The following TMEFF2 variants were observed in gnomAD, a reference collection of about 807,000 sequenced individuals.
TMEFF2 encodes the protein tomoregulin-2.
TMEFF2 carries 28 observed loss-of-function variants against 53.8 expected under a neutral mutation model. The ratio of observed to expected loss-of-function variants is 0.52; its 90% CI spans 0.39 to 0.71. The LOEUF is 0.71. Ranked by LOEUF, TMEFF2 falls within the 30% of genes least tolerant of loss-of-function variation. The pLI, the probability that TMEFF2 is intolerant of heterozygous loss-of-function variation, is 0.00. For synonymous variants in TMEFF2, 162 were observed against 166.3 expected, an observed-to-expected ratio of 0.97 and a Z score of 0.20; for missense variants, 353 against 455.2, an observed-to-expected ratio of 0.78 and a Z score of 2.04.
chr2:191,972,536 A>G (rs982679735), intron 7 of TMEFF2, among the ~76,000 whole-genome samples: 4 of 151,878 alleles, frequency 2.6e-5, no homozygotes, highest in African/African-American at 9.7e-5. Flanking sequence ...TTGATCATTA[A>G]GGGGACACAG....
intron 8 of TMEFF2, among the ~76,000 whole-genome samples, 161 bp downstream of exon 8, chr2:191,956,094 A>AG (rs1692081498): frequency 1.5e-5 from 1 of 65,306 alleles, no homozygotes; most frequent in Non-Finnish European, 3.4e-5. Flanking sequence ...GTGTGTGAGT[A>AG]TGTGTGTATG....
At chr2:192,069,696 A>G (rs1688242086) in intron 4 of TMEFF2, among the ~76,000 whole-genome samples, 1 of 151,764 alleles carries the variant, frequency 6.6e-6, no homozygotes, top group African/African-American at 2.4e-5. Context: ...AAAAAATTGC[A>G]TGAGTTTTAG....
chr2:192,170,150 A>G (rs1017335904), intron 4 of TMEFF2, among the ~76,000 whole-genome samples: 7 of 152,062 alleles, frequency 4.6e-5, no homozygotes, highest in Non-Finnish European at 8.8e-5. Flanking sequence ...TCTAACCCTT[A>G]AGGATTAGAT....
chr2:191,969,371 AC>A (rs1559066074), intron 7 of TMEFF2, among the ~76,000 whole-genome samples: 1 of 152,118 alleles, frequency 6.6e-6, no homozygotes, highest in African/African-American at 2.4e-5. Context: ...CCATAAAGGT[AC>A]AATCAATCCC....
intron 3 of TMEFF2, among the ~76,000 whole-genome samples, chr2:192,183,649 T>C (rs1287509273): frequency 6.6e-6 from 1 of 152,082 alleles, no homozygotes; most frequent in South Asian, 2.1e-4. Flanking sequence ...CTCAGCCCCA[T>C]TTTAAAGCAT....
At chr2:192,091,351 C>T (rs1459306774) in intron 4 of TMEFF2, among the ~76,000 whole-genome samples, 1 of 152,080 alleles carries the variant, frequency 6.6e-6, no homozygotes, top group Non-Finnish European at 1.5e-5. Context: ...AGATCAGTTA[C>T]CTGAACAGTT....
intron 5 of TMEFF2, among the ~76,000 whole-genome samples, chr2:192,037,307 AAG>A (rs1447306266): frequency 6.6e-6 from 1 of 150,432 alleles, no homozygotes; most frequent in African/African-American, 2.5e-5. Flanking sequence ...GAAAGAAAGA[AAG>A]AAAGAAAGAA....
intron 4 of TMEFF2, among the ~76,000 whole-genome samples, chr2:192,121,365 C>A (rs769880064): frequency 1.3e-5 from 2 of 151,978 alleles, no homozygotes; most frequent in African/African-American, 4.8e-5. Context: ...GGACAGAGGT[C>A]ACTTTGTACA....
intron 7 of TMEFF2, among the ~76,000 whole-genome samples, chr2:191,996,875 T>C (rs896599416): frequency 2.6e-5 from 4 of 151,900 alleles, no homozygotes; most frequent in African/African-American, 9.7e-5. Context: ...TAGCCACGGG[T>C]TGGTGTTACT....
At chr2:192,080,471 G>A (rs146656991) in intron 4 of TMEFF2, among the ~76,000 whole-genome samples, 2,549 of 152,228 alleles carry the variant, frequency 0.017, 42 homozygotes, top group Non-Finnish European at 0.022. Flanking sequence ...GGCCTCCCCA[G>A]CCATGCTGAA....
chr2:192,075,593 T>G (rs1172312155), intron 4 of TMEFF2, among the ~76,000 whole-genome samples: 3 of 151,436 alleles, frequency 2.0e-5, no homozygotes, highest in Non-Finnish European at 4.4e-5. Flanking sequence ...CATATAGAGA[T>G]TTAATTATGT....
intron 7 of TMEFF2, among the ~76,000 whole-genome samples, chr2:191,982,430 C>T (rs1685874992): frequency 6.7e-6 from 1 of 149,848 alleles, no homozygotes; most frequent in South Asian, 2.1e-4. Context: ...ATTTTCCCAT[C>T]TACATGGAAA....
intron 5 of TMEFF2, among the ~76,000 whole-genome samples, chr2:192,051,699 C>T (rs1241539260): frequency 1.3e-5 from 2 of 152,134 alleles, no homozygotes; most frequent in African/African-American, 4.8e-5. Flanking sequence ...TCATGAGCCT[C>T]CACAATCCAA....
At chr2:191,998,131 C>A in intron 7 of TMEFF2, 131 bp downstream of exon 7, 1 of 667,820 alleles carries the variant, frequency 1.5e-6, no homozygotes, top group Admixed American at 3.5e-5. Context: ...AAAGCTTGAA[C>A]TAAGCAAGAG....
intron 4 of TMEFF2, among the ~76,000 whole-genome samples, chr2:192,131,860 C>T (rs1032990230): frequency 1.7e-4 from 26 of 152,076 alleles, no homozygotes; most frequent in African/African-American, 5.1e-4. Context: ...AGCCGGAAAA[C>T]GGCACTTTCA....
intron 9 of TMEFF2, among the ~76,000 whole-genome samples, chr2:191,953,146 T>TG (rs1344958299): frequency 6.6e-6 from 1 of 152,230 alleles, no homozygotes; most frequent in Non-Finnish European, 1.5e-5. Flanking sequence ...TCTTTTCTGT[T>TG]GAAACTAAAG....
chr2:192,001,886 A>T (rs1231832734), intron 5 of TMEFF2, among the ~76,000 whole-genome samples: 1 of 152,352 alleles, frequency 6.6e-6, no homozygotes, highest in East Asian at 1.9e-4. Flanking sequence ...AGACTAATAC[A>T]GACAGAAAGA....
intron 4 of TMEFF2, among the ~76,000 whole-genome samples, chr2:192,140,112 G>T (rs1341895403): frequency 1.3e-5 from 2 of 152,100 alleles, no homozygotes; most frequent in African/African-American, 4.8e-5. Context: ...CCAGCATAAT[G>T]AAATTTAACT....
intron 4 of TMEFF2, among the ~76,000 whole-genome samples, chr2:192,100,231 T>G (rs1462126574): frequency 1.3e-5 from 2 of 152,174 alleles, no homozygotes; most frequent in African/African-American, 2.4e-5. Context: ...ATTTCTTGAT[T>G]GGCTTGGAGG....
Sources: gnomAD v4.1 joint callset for allele counts (sites outside exome capture counted in the v4.1 genomes callset) on GRCh38, gnomAD v4.1.1 for gene constraint, MANE v1.5 for transcripts, NCBI Gene and HGNC (gene_info 2026-07-23, HGNC 2026-07-21) for gene names.